The following KLF13 variants were observed in gnomAD, a reference collection of about 807,000 sequenced individuals.
The protein encoded by KLF13 is KLF transcription factor 13.
A neutral mutation model predicts 16.7 loss-of-function variants in KLF13; 8 were observed. The ratio of observed to expected loss-of-function variants is 0.48; its 90% CI spans 0.28 to 0.87. The LOEUF (loss-of-function observed/expected upper bound fraction) is 0.87. Among genes scored for constraint, KLF13 ranks in the 40% least tolerant of loss-of-function variants. The pLI is 0.10. For missense variants in KLF13, 447 were observed against 452.2 expected (o/e 0.99, Z 0.10); for synonymous variants, 245 against 208.4 (o/e 1.18, Z -1.51).
At chr15:31,341,850 C>T (rs1393698013) in intron 1 of KLF13, among the ~76,000 whole-genome samples, 2 of 152,180 alleles carry the variant, frequency 1.3e-5, no homozygotes, top group Non-Finnish European at 2.9e-5. Flanking sequence ...GCCTCAGCTT[C>T]TGCGTCTGTA....
intron 1 of KLF13, among the ~76,000 whole-genome samples, chr15:31,356,869 T>C (rs557787598): frequency 6.6e-6 from 1 of 152,190 alleles, no homozygotes; most frequent in Non-Finnish European, 1.5e-5. Context: ...GTGGAGGTGC[T>C]TGGCCAAGCT....
intron 2 of KLF13, among the ~76,000 whole-genome samples, chr15:31,394,824 G>A (rs939780104): frequency 6.6e-6 from 1 of 152,058 alleles, no homozygotes; most frequent in Non-Finnish European, 1.5e-5. Flanking sequence ...CATTTTCCCT[G>A]GCCCTAGGAG....
chr15:31,416,870 C>T (rs57905187), intron 1 of KLF13, among the ~76,000 whole-genome samples: 48 of 152,248 alleles, frequency 3.2e-4, no homozygotes, highest in African/African-American at 1.1e-3. Context: ...TCCTAGAGTT[C>T]GAATGTGTCC....
chr15:31,403,200 G>A (rs922855884), intron 2 of KLF13, among the ~76,000 whole-genome samples: 40 of 152,234 alleles, frequency 2.6e-4, no homozygotes, highest in African/African-American at 9.6e-4. Context: ...AAGCAGTTTT[G>A]GGGCAAGATC....
intron 1 of KLF13, among the ~76,000 whole-genome samples, chr15:31,370,607 C>T (rs560591287): frequency 7.4e-4 from 113 of 152,000 alleles, no homozygotes; most frequent in South Asian, 2.1e-4. Context: ...TTAGTAGAGA[C>T]GGGGTTTCAC....
At chr15:31,431,176 A>G (rs1251003324) in intron 1 of KLF13, among the ~76,000 whole-genome samples, 1 of 152,246 alleles carries the variant, frequency 6.6e-6, no homozygotes, top group African/African-American at 2.4e-5. Flanking sequence ...CACAATGAGA[A>G]GATGGCAGTC....
rs1550147 is a variant in KLF13 at position 31,341,968 on chromosome 15, C to T, written c.577+14179C>T. On this transcript the variant is annotated intron_variant, in intron 1 of 1. Transcript: ENST00000307145. The stretch of plus-strand genomic sequence containing the variant: ...ACCCTGTTGCTAGACATCAGGCATG[C>T]TCAGACTAGGGAGTGGTGACCCTGT... Among the ~76,000 whole-genome samples the T allele has an allele frequency of 7.7e-3, 1,166 of 152,314 alleles. 11 individuals carry two copies. Among genetic ancestry groups the T allele is most frequent in the Non-Finnish European group, 0.013 (872 of 68,016 alleles).
upstream of KLF13, among the ~76,000 whole-genome samples, chr15:31,389,663 C>T (rs1366399660): frequency 6.6e-6 from 1 of 152,194 alleles, no homozygotes; most frequent in African/African-American, 2.4e-5. Flanking sequence ...CTGCTATCCA[C>T]TCTCTCTAGG....
At chr15:31,388,695 A>C (rs1271167474), upstream of KLF13, among the ~76,000 whole-genome samples, 2 of 148,806 alleles carry the variant, frequency 1.3e-5, no homozygotes, top group African/African-American at 2.5e-5. Flanking sequence ...TTTGGAAGTA[A>C]TTTGATTGTT....
downstream of KLF13, among the ~76,000 whole-genome samples, chr15:31,409,195 G>C (rs1231330803): frequency 1.3e-5 from 2 of 152,058 alleles, no homozygotes; most frequent in Non-Finnish European, 2.9e-5. Context: ...TGAGGTGGGA[G>C]AATTTCTTGA....
intron 1 of KLF13, among the ~76,000 whole-genome samples, chr15:31,415,371 C>T (rs545912408): frequency 1.2e-4 from 18 of 152,294 alleles, no homozygotes; most frequent in African/African-American, 4.3e-4. Flanking sequence ...AAACATTCTC[C>T]AGACCATATG....
intron 1 of KLF13, among the ~76,000 whole-genome samples, chr15:31,429,976 G>A (rs140202019): frequency 0.011 from 1,714 of 152,092 alleles, 18 homozygotes; most frequent in Middle Eastern, 0.031. Context: ...CCTTGTGACC[G>A]CCCGCCTTGG....
intron 1 of KLF13, among the ~76,000 whole-genome samples, chr15:31,334,615 A>G (rs1463091726): frequency 6.6e-6 from 1 of 151,958 alleles, no homozygotes; most frequent in Admixed American, 6.6e-5. Flanking sequence ...TTTAGTAGAG[A>G]CGGGGTTTCA....
chr15:31,334,057 C>G (rs1431976068), intron 1 of KLF13, among the ~76,000 whole-genome samples: 1 of 152,188 alleles, frequency 6.6e-6, no homozygotes, highest in Non-Finnish European at 1.5e-5. Context: ...GGTTTCTACT[C>G]CATCTTCCAG....
chr15:31,338,729 G>T (rs976959915), intron 1 of KLF13, among the ~76,000 whole-genome samples: 1 of 152,122 alleles, frequency 6.6e-6, no homozygotes, highest in East Asian at 1.9e-4. Flanking sequence ...AACCAGGGGG[G>T]CCAGCAGCCT....
upstream of KLF13, among the ~76,000 whole-genome samples, chr15:31,388,659 A>C (rs1440695114): frequency 2.0e-5 from 3 of 148,804 alleles, no homozygotes; most frequent in African/African-American, 7.4e-5. Context: ...TATTTTATGG[A>C]GTATTGAGTC....
chr15:31,343,786 G>T (rs1197257951), intron 1 of KLF13, among the ~76,000 whole-genome samples: 1 of 152,198 alleles, frequency 6.6e-6, no homozygotes, highest in Non-Finnish European at 1.5e-5. Flanking sequence ...CCCACTGACT[G>T]CGGGTCACCA....
intron 1 of KLF13, among the ~76,000 whole-genome samples, chr15:31,415,905 T>C (rs2040248966): frequency 2.6e-5 from 4 of 151,988 alleles, no homozygotes; most frequent in Non-Finnish European, 5.9e-5. Flanking sequence ...ATTTAATTTT[T>C]AGGTTGAAAT....
intron 1 of KLF13, among the ~76,000 whole-genome samples, chr15:31,350,847 C>G (rs564738621): frequency 6.6e-6 from 1 of 152,256 alleles, no homozygotes; most frequent in African/African-American, 2.4e-5. Context: ...GAATGCAGGC[C>G]TGGCACTCTT....
Sources: gnomAD v4.1 joint callset for allele counts (sites outside exome capture counted in the v4.1 genomes callset) on GRCh38, gnomAD v4.1.1 for gene constraint, MANE v1.5 for transcripts, NCBI Gene and HGNC (gene_info 2026-07-23, HGNC 2026-07-21) for gene names.